PKHD1: variants seen among roughly 807,000 people sequenced by gnomAD.
PKHD1 encodes the protein PKHD1 ciliary IPT domain containing fibrocystin/polyductin.
In PKHD1, 291 loss-of-function variants were observed where a neutral mutation model predicts 412.0. The ratio of observed to expected loss-of-function variants is 0.71; its 90% CI spans 0.64 to 0.78. The LOEUF is 0.78. PKHD1 is among the 30% of genes least tolerant of loss of function. The pLI is 0.00. For synonymous variants in PKHD1, 1,777 were observed against 1,821.5 expected (o/e 0.98, Z 0.62); for missense variants, 4,825 against 4,950.7 (o/e 0.97, Z 0.76).
At chr6:51,748,835 A>C (rs1785610037) in intron 57 of PKHD1, among the ~76,000 whole-genome samples, 170 bp from the exon 58 acceptor site, 1 of 152,220 alleles carries the variant, frequency 6.6e-6, no homozygotes, top group Admixed American at 6.5e-5. Flanking sequence ...TGTAGGAATC[A>C]TTACAAGTAT....
intron 6 of PKHD1, among the ~76,000 whole-genome samples, chr6:52,074,552 A>G (rs1045891631): frequency 6.6e-6 from 1 of 152,192 alleles, no homozygotes; most frequent in African/African-American, 2.4e-5. Context: ...GACAGGCACA[A>G]TTTTAAAACT....
At chr6:52,078,074 C>T (rs1291034000) in intron 5 of PKHD1, among the ~76,000 whole-genome samples, 1 of 152,146 alleles carries the variant, frequency 6.6e-6, no homozygotes, top group Non-Finnish European at 1.5e-5. Flanking sequence ...TAAGAGCCAC[C>T]ACTCAGTCTA....
chr6:51,874,244 A>G (rs1311366666), intron 46 of PKHD1, among the ~76,000 whole-genome samples: 1 of 151,538 alleles, frequency 6.6e-6, no homozygotes, highest in Non-Finnish European at 1.5e-5. Flanking sequence ...AGATACTTCG[A>G]TAAGTAGGGT....
chr6:51,667,978 G>A lies in PKHD1; in HGVS notation c.10157-8009C>T, dbSNP rs575672701. 5.9e-3 allele frequency among the ~76,000 whole-genome samples: 901 copies of A among 152,228 alleles called. 2 individuals are homozygous for A. Among genetic ancestry groups the A allele is most frequent in the Non-Finnish European group, 9.0e-3 (613 of 68,026 alleles). ...GTAGTATAGTTTGAAGTCAGGTCGC[G>A]TGATGCCTCCAGCTTTGTTCTTTTG... is the stretch of plus-strand genomic sequence containing the variant. On this transcript the variant is annotated intron_variant, in intron 60 of 66. Coordinates refer to ENST00000371117, the MANE Select transcript of PKHD1 (RefSeq NM_138694.4).
At chr6:51,796,421 CTATT>C (rs1794606365) in intron 52 of PKHD1, among the ~76,000 whole-genome samples, 2 of 111,834 alleles carry the variant, frequency 1.8e-5, no homozygotes, top group African/African-American at 6.6e-5. Flanking sequence ...AGCTAGCAGT[CTATT>C]TAATTAGTTT....
At chr6:51,808,532 G>T (rs1395461512) in intron 52 of PKHD1, among the ~76,000 whole-genome samples, 2 of 151,660 alleles carry the variant, frequency 1.3e-5, no homozygotes, top group Non-Finnish European at 2.9e-5. Context: ...ACACACATTT[G>T]CATGTGTGTG....
intron 37 of PKHD1, among the ~76,000 whole-genome samples, chr6:51,922,169 T>A (rs1784812992): frequency 6.6e-6 from 1 of 152,232 alleles, no homozygotes; most frequent in African/African-American, 2.4e-5. Flanking sequence ...TAGTTTTCCT[T>A]CTATCAGTCA....
intron 52 of PKHD1, among the ~76,000 whole-genome samples, chr6:51,806,222 A>C (rs1763757940): frequency 1.1e-5 from 1 of 95,162 alleles, no homozygotes; most frequent in African/African-American, 3.3e-5. Flanking sequence ...TTAAAGTATA[A>C]TAAAAAAAAA....
intron 53 of PKHD1, among the ~76,000 whole-genome samples, chr6:51,781,438 T>C (rs9463712): frequency 2.0e-5 from 3 of 151,918 alleles, no homozygotes; most frequent in Non-Finnish European, 4.4e-5. Context: ...CTCTCAATTT[T>C]TCAATTAATG....
chr6:51,809,807 T>C (rs1764410311), intron 52 of PKHD1, among the ~76,000 whole-genome samples: 3 of 152,038 alleles, frequency 2.0e-5, no homozygotes, highest in South Asian at 2.1e-4. Flanking sequence ...AGGAATGCTA[T>C]TGTTCCTTGC....
chr6:51,630,806 G>A (rs895901109), intron 65 of PKHD1, among the ~76,000 whole-genome samples: 1 of 152,146 alleles, frequency 6.6e-6, no homozygotes, highest in African/African-American at 2.4e-5. Flanking sequence ...CACTTATACA[G>A]ATCTGACTAC....
At position 52,025,667 on chromosome 6, in the gene PKHD1, C is replaced by T. The variant is rs1287407689; in HGVS notation, c.4143G>A (p.Val1381=). The T allele has an allele frequency of 6.2e-7, 1 of 1,614,200 alleles. No homozygotes were observed. The change falls in exon 32 of 67, where the codon GTG becomes GTA. Residue 1381 remains valine (V), a synonymous_variant. Transcript: ENST00000371117. Reference sequence around the variant, plus strand: ...GAGGCATCACTGCAAATTGCTGGAGCACCACAGACATATTAGCAAATCCCA... The same window carrying T: ...GAGGCATCACTGCAAATTGCTGGAGTACCACAGACATATTAGCAAATCCCA... The part of the protein sequence containing the change: ...KQMGFANMSV[V]LQQFAVMPRI...
intron 60 of PKHD1, among the ~76,000 whole-genome samples, chr6:51,728,314 G>C (rs986854072): frequency 2.6e-5 from 4 of 152,130 alleles, no homozygotes; most frequent in Non-Finnish European, 5.9e-5. Context: ...TTCAAGAGGG[G>C]CCACTGGAGC....
chr6:51,628,557 T>C (rs1018043074), intron 65 of PKHD1, among the ~76,000 whole-genome samples: 20 of 152,226 alleles, frequency 1.3e-4, no homozygotes, highest in Admixed American at 1.3e-3. Flanking sequence ...TGTGTCCTTT[T>C]GGTAGACTGA....
At chr6:51,751,067 G>A (rs1006653209) in intron 57 of PKHD1, among the ~76,000 whole-genome samples, 6 of 152,168 alleles carry the variant, frequency 3.9e-5, no homozygotes, top group Admixed American at 2.6e-4. Context: ...ATGAGCCACA[G>A]TGCCCAGCCT....
At chr6:51,755,289 T>C (rs1302608993) in intron 55 of PKHD1, among the ~76,000 whole-genome samples, 1 of 152,204 alleles carries the variant, frequency 6.6e-6, no homozygotes, top group East Asian at 1.9e-4. Flanking sequence ...ATAACAGCAT[T>C]TCAGAAAAGA....
At chr6:51,872,286 G>A (rs955620583) in intron 46 of PKHD1, among the ~76,000 whole-genome samples, 1 of 152,108 alleles carries the variant, frequency 6.6e-6, no homozygotes, top group Non-Finnish European at 1.5e-5. Flanking sequence ...TTTAGAAAAA[G>A]AGCCACAGCA....
At chr6:51,819,628 G>A (rs534727773) in intron 52 of PKHD1, among the ~76,000 whole-genome samples, 1 of 152,162 alleles carries the variant, frequency 6.6e-6, no homozygotes, top group African/African-American at 2.4e-5. Context: ...GTTCCAGGTG[G>A]GTCTCAGAAC....
At chr6:51,937,888 T>C (rs767756233) in intron 36 of PKHD1, among the ~76,000 whole-genome samples, 18 of 152,232 alleles carry the variant, frequency 1.2e-4, no homozygotes, top group Non-Finnish European at 2.5e-4. Context: ...CCATTATTGC[T>C]GTGAAACCAT....
Sources: gnomAD v4.1 joint callset for allele counts (sites outside exome capture counted in the v4.1 genomes callset) on GRCh38, gnomAD v4.1.1 for gene constraint, MANE v1.5 for transcripts, NCBI Gene and HGNC (gene_info 2026-07-23, HGNC 2026-07-21) for gene names.